Variants in DNAH3 observed in about 807,000 individuals in gnomAD.
The protein encoded by DNAH3 is axonemal beta dynein heavy chain 3.
Under a neutral mutation model 432.5 loss-of-function variants are expected in DNAH3, and 332 were observed. The ratio of observed to expected loss-of-function variants is 0.77; its 90% confidence interval spans 0.70 to 0.84. The LOEUF is 0.84. Among genes scored for constraint, DNAH3 ranks in the 40% least tolerant of loss-of-function variants. DNAH3 has a pLI of 0.00. For missense variants in DNAH3, 4,861 were observed against 5,114.0 expected (o/e 0.95, Z 1.51); for synonymous variants, 1,956 against 1,900.2 (o/e 1.03, Z -0.76).
At position 21,132,377 on chromosome 16, in the gene DNAH3, CTCA is replaced by C. The variant is rs1165236820; in HGVS notation, c.1082+1879_1082+1881del. Reference sequence around the variant, plus strand: ...TAATACAAAACTCAGATGGGGGCAGCTCATCATTTCATTAGCCTGGCCTTTCAG... The same window carrying C: ...TAATACAAAACTCAGATGGGGGCAGCTCATTTCATTAGCCTGGCCTTTCAG... On this transcript the variant is annotated intron_variant, in intron 7 of 61. Transcript: ENST00000261383. 2.0e-5 allele frequency among the ~76,000 whole-genome samples: 3 copies of C among 152,348 alleles called. No homozygotes were observed. The South Asian group carries it at 6.2e-4, about 32-fold the overall frequency.
At chr16:21,152,978 T>C (rs2092872058) in intron 1 of DNAH3, among the ~76,000 whole-genome samples, 1 of 151,568 alleles carries the variant, frequency 6.6e-6, no homozygotes, top group Non-Finnish European at 1.5e-5. Context: ...GGCTGAGGAG[T>C]GCGGGCCCAC....
intron 1 of DNAH3, among the ~76,000 whole-genome samples, chr16:21,157,915 T>G (rs1247621098): frequency 1.2e-3 from 178 of 146,418 alleles, no homozygotes; most frequent in East Asian, 1.8e-3. Flanking sequence ...CAACTGGAGG[T>G]GGGGGGGGGC....
chr16:21,132,469 A>AC (rs1278242906), intron 7 of DNAH3, among the ~76,000 whole-genome samples: 1 of 152,344 alleles, frequency 6.6e-6, no homozygotes, highest in East Asian at 1.9e-4. Flanking sequence ...CACTAAAAAA[A>AC]CCAGAGTCTT....
At chr16:20,998,763 A>C (rs34380771) in intron 43 of DNAH3, among the ~76,000 whole-genome samples, 3 of 103,448 alleles carry the variant, frequency 2.9e-5, no homozygotes, top group African/African-American at 1.1e-4. Context: ...AAAAAAAAAA[A>C]GGGGGGGGCT....
At chr16:20,994,384 T>A (rs2086677466) in intron 44 of DNAH3, among the ~76,000 whole-genome samples, 1 of 152,186 alleles carries the variant, frequency 6.6e-6, no homozygotes, top group African/African-American at 2.4e-5. Flanking sequence ...TGAGCTGAGA[T>A]CATGCCATTG....
chr16:21,066,883 CCATT>C (rs1227662968), intron 24 of DNAH3, among the ~76,000 whole-genome samples: 1 of 152,106 alleles, frequency 6.6e-6, no homozygotes, highest in East Asian at 1.9e-4. Flanking sequence ...GAAGTAGGGG[CCATT>C]ATTATATCCC....
chr16:21,150,623 A>G (rs759322934), intron 1 of DNAH3, 89 bp from the exon 2 acceptor site: 14 of 189,990 alleles, frequency 7.4e-5, no homozygotes, highest in Non-Finnish European at 1.5e-4. Context: ...CTAGTCCCCC[A>G]GCGGTGGCCA....
intron 26 of DNAH3, among the ~76,000 whole-genome samples, chr16:21,059,226 A>C (rs2152750101): frequency 6.6e-6 from 1 of 152,336 alleles, no homozygotes. Context: ...AATATTTACT[A>C]TCTGGCTCTT....
At chr16:21,121,803 G>A (rs541081526) in intron 10 of DNAH3, 142 bp downstream of exon 11, 1 of 564,628 alleles carries the variant, frequency 1.8e-6, no homozygotes, top group East Asian at 3.1e-5. Context: ...CTGGGGTCAA[G>A]GGGTTATATT....
rs1445180812 is a variant in DNAH3, at chr16:21,152,975, G to C, written c.117+6350C>G. Among the ~76,000 whole-genome samples, 6 of 152,210 alleles carry C rather than the reference G, an allele frequency of 3.9e-5. No individual in the cohort carries two copies. The East Asian group carries it at 1.2e-3, about 29-fold the overall frequency. ...TCCCACCGACCACCCAAGGGCTGAG[G>C]AGTGCGGGCCCACGGCGCGGGACTG... On this transcript the variant is annotated intron_variant, in intron 1 of 61. Coordinates refer to ENST00000261383, the Ensembl canonical transcript of DNAH3.
chr16:21,033,907 C>A, intron 36 of DNAH3, 67 bp downstream of exon 36: 3 of 1,130,536 alleles, frequency 2.7e-6, no homozygotes, highest in Non-Finnish European at 2.6e-6. Flanking sequence ...CTGGCATTAT[C>A]TCCATGGAGC....
chr16:21,076,606 C>T (rs535339103), intron 20 of DNAH3, among the ~76,000 whole-genome samples: 31 of 152,234 alleles, frequency 2.0e-4, no homozygotes, highest in African/African-American at 7.2e-4. Context: ...CAGAACAGGA[C>T]AGTTTTTCCT....
intron 42 of DNAH3, among the ~76,000 whole-genome samples, chr16:21,002,710 C>T (rs1028594412): frequency 2.0e-5 from 3 of 152,088 alleles, no homozygotes; most frequent in Non-Finnish European, 4.4e-5. Flanking sequence ...ATCCTCCTGC[C>T]CTGGCCTCCC....
exon 49 of DNAH3, chr16:20,982,731 T>C: frequency 6.2e-7 from 1 of 1,614,040 alleles, no homozygotes; most frequent in Admixed American, 1.7e-5. Context: ...TCTACCCGAA[T>C]GTTGTCATCA....
exon 32 of DNAH3, chr16:21,042,119 C>T: frequency 6.2e-7 from 1 of 1,613,730 alleles, no homozygotes; most frequent in Middle Eastern, 1.7e-4. Flanking sequence ...AGCTCAGTCC[C>T]TTCAAAGATG....
chr16:21,046,093 C>A lies in DNAH3; in HGVS notation c.4461+3476G>T, dbSNP rs1160882326. ...ATTTGCTGAGGAGAGCTTTACTTCC[C>A]AGTATGTGGTCAATTTTGGAATAGG... is the stretch of plus-strand genomic sequence containing the variant. On this transcript the variant is annotated intron_variant, in intron 31 of 61. Transcript: ENST00000261383. Among the ~76,000 whole-genome samples the A allele has an allele frequency of 3.4e-5, 5 of 148,278 alleles. No homozygotes were observed. In the South Asian group the frequency reaches 6.6e-4, roughly 20 times the overall value.
chr16:21,059,009 TAAAATTTAAA>T (rs1212974905), intron 26 of DNAH3, among the ~76,000 whole-genome samples: 1 of 151,918 alleles, frequency 6.6e-6, no homozygotes, highest in Non-Finnish European at 1.5e-5. Context: ...TAAAATAAAA[TAAAATTTAAA>T]AAAATTTAAA....
intron 10 of DNAH3, chr16:21,121,082 T>C (rs547527165): frequency 3.4e-5 from 22 of 650,542 alleles, no homozygotes; most frequent in South Asian, 2.4e-4. Context: ...GCAAGGCCCA[T>C]GTGAAGCATA....
intron 41 of DNAH3, among the ~76,000 whole-genome samples, chr16:21,006,798 C>T (rs2087326102): frequency 6.6e-6 from 1 of 152,158 alleles, no homozygotes; most frequent in South Asian, 2.1e-4. Context: ...GATCCTCTTG[C>T]CTCAGCCTCT....
Sources: gnomAD v4.1 joint callset for allele counts (sites outside exome capture counted in the v4.1 genomes callset) on GRCh38, gnomAD v4.1.1 for gene constraint, MANE v1.5 for transcripts, NCBI Gene and HGNC (gene_info 2026-07-23, HGNC 2026-07-21) for gene names.